Variants in PDE4D observed in about 807,000 individuals in gnomAD.
PDE4D encodes the protein phosphodiesterase 4D, also known as 3',5'-cyclic-AMP phosphodiesterase 4D.
A neutral mutation model predicts 87.4 loss-of-function variants in PDE4D; 24 were observed. The ratio of observed to expected loss-of-function variants is 0.27; its 90% CI spans 0.20 to 0.39. PDE4D has a LOEUF of 0.39. Among genes scored for constraint, PDE4D ranks in the 10% least tolerant of loss-of-function variants. The pLI is 1.00. For missense variants in PDE4D, 714 were observed against 1,041.0 expected (o/e 0.69, Z 4.32); for synonymous variants, 384 against 383.2 (o/e 1.00, Z -0.02).
At chr5:60,014,344 T>C (rs189320778) in intron 2 of PDE4D, among the ~76,000 whole-genome samples, 1 of 152,220 alleles carries the variant, frequency 6.6e-6, no homozygotes, top group East Asian at 1.9e-4. Flanking sequence ...TAGGAAACTG[T>C]TATTTTAATC....
chr5:60,451,596 A>G (rs547752930), intron 1 of PDE4D, among the ~76,000 whole-genome samples: 2 of 152,228 alleles, frequency 1.3e-5, no homozygotes, highest in East Asian at 3.9e-4. Context: ...TTAAAGGTGG[A>G]ATTTGACCAA....
chr5:60,427,746 A>G (rs910101930), intron 1 of PDE4D, among the ~76,000 whole-genome samples: 3 of 152,196 alleles, frequency 2.0e-5, no homozygotes, highest in Admixed American at 6.5e-5. Context: ...ATGACATGTT[A>G]AAATAATGAA....
chr5:60,207,542 T>C (rs1742692477), intron 1 of PDE4D, among the ~76,000 whole-genome samples: 1 of 152,230 alleles, frequency 6.6e-6, no homozygotes, highest in African/African-American at 2.4e-5. Flanking sequence ...CTCTCATAAT[T>C]TGTGAAACCT....
exon 2 of PDE4D, chr5:60,185,603 G>A (rs918814124): frequency 6.6e-7 from 1 of 1,526,002 alleles, no homozygotes; most frequent in Non-Finnish European, 8.8e-7. Context: ...TTTCATCGTG[G>A]TGTTTTAAGT....
intron 1 of PDE4D, among the ~76,000 whole-genome samples, chr5:59,389,832 G>T (rs1787880446): frequency 6.6e-6 from 1 of 152,068 alleles, no homozygotes; most frequent in Admixed American, 6.6e-5. Context: ...GTAGAATGAT[G>T]GTTACCAGAG....
chr5:60,442,446 G>C (rs944766073), intron 1 of PDE4D, among the ~76,000 whole-genome samples: 1 of 152,018 alleles, frequency 6.6e-6, no homozygotes, highest in Non-Finnish European at 1.5e-5. Context: ...GTCAGGGGGT[G>C]GGGGGACTAG....
At chr5:59,958,178 C>T (rs1051466965) in intron 3 of PDE4D, among the ~76,000 whole-genome samples, 1 of 152,068 alleles carries the variant, frequency 6.6e-6, no homozygotes, top group Non-Finnish European at 1.5e-5. Context: ...ATATAATATA[C>T]AGTTTAACTG....
intron 1 of PDE4D, among the ~76,000 whole-genome samples, chr5:59,565,712 A>G (rs1418857268): frequency 6.6e-6 from 1 of 152,196 alleles, no homozygotes. Context: ...CTGGGCAAGG[A>G]AGTCCCTGGA....
intron 1 of PDE4D, among the ~76,000 whole-genome samples, chr5:59,750,084 CTTTTTT>C (rs35243469): frequency 5.3e-5 from 7 of 131,464 alleles, no homozygotes; most frequent in African/African-American, 1.7e-4. Context: ...GAATTATGAC[CTTTTTT>C]TTTTTTTTTT....
At chr5:60,294,590 A>G (rs1416346453) in intron 1 of PDE4D, among the ~76,000 whole-genome samples, 1 of 152,116 alleles carries the variant, frequency 6.6e-6, no homozygotes, top group Admixed American at 6.5e-5. Flanking sequence ...ATATCAATTT[A>G]TTCCAATTTC....
chr5:59,927,356 T>C (rs371280496), intron 3 of PDE4D, among the ~76,000 whole-genome samples: 31 of 152,344 alleles, frequency 2.0e-4, no homozygotes, highest in African/African-American at 7.2e-4. Context: ...TAAATTAATA[T>C]AGTGTGAATG....
intron 5 of PDE4D, among the ~76,000 whole-genome samples, chr5:59,156,331 A>ATATATATATATATATATATATG (rs1384479557): frequency 8.1e-6 from 1 of 122,768 alleles, no homozygotes; most frequent in African/African-American, 3.4e-5. Flanking sequence ...ATATATATAT[A>ATATATATATATATATATATATG]TGTGTGTGTG....
intron 1 of PDE4D, among the ~76,000 whole-genome samples, chr5:59,714,001 G>A (rs1754613610): frequency 6.6e-6 from 1 of 152,180 alleles, no homozygotes; most frequent in African/African-American, 2.4e-5. Flanking sequence ...CCTGGCATAG[G>A]GTTGGAAAGG....
intron 1 of PDE4D, among the ~76,000 whole-genome samples, chr5:59,242,885 CTT>C (rs1378170904): frequency 3.3e-5 from 5 of 152,120 alleles, no homozygotes; most frequent in Non-Finnish European, 7.4e-5. Flanking sequence ...GTTATACTGG[CTT>C]TTCTCACAAT....
At chr5:60,322,634 C>T (rs1252192894) in intron 1 of PDE4D, among the ~76,000 whole-genome samples, 2 of 152,148 alleles carry the variant, frequency 1.3e-5, no homozygotes, top group Non-Finnish European at 2.9e-5. Flanking sequence ...TAACACTACC[C>T]GTTACCTATT....
intron 1 of PDE4D, among the ~76,000 whole-genome samples, chr5:59,423,454 G>A (rs1399667054): frequency 6.6e-6 from 1 of 152,088 alleles, no homozygotes; most frequent in Non-Finnish European, 1.5e-5. Flanking sequence ...GCATTCCATT[G>A]CCAAATTTTT....
intron 1 of PDE4D, among the ~76,000 whole-genome samples, chr5:59,506,059 T>C (rs971964866): frequency 6.6e-6 from 1 of 152,154 alleles, no homozygotes; most frequent in Non-Finnish European, 1.5e-5. Flanking sequence ...CGTGAGAAAG[T>C]AGAAAGTGTA....
At chr5:59,950,000 G>C (rs1402056497) in intron 3 of PDE4D, among the ~76,000 whole-genome samples, 1 of 152,118 alleles carries the variant, frequency 6.6e-6, no homozygotes, top group East Asian at 1.9e-4. Context: ...CATTGTATGA[G>C]CCACTTCAAA....
intron 5 of PDE4D, chr5:59,039,442 C>A (rs1021585502): frequency 1.0e-6 from 1 of 992,710 alleles, no homozygotes; most frequent in African/African-American, 1.7e-5. Context: ...CCACGCCCGC[C>A]CCGCCTGCCG....
Sources: allele counts gnomAD v4.1 joint callset (sites outside exome capture counted in the v4.1 genomes callset), GRCh38; gene constraint gnomAD v4.1.1; transcripts MANE v1.5; gene names NCBI Gene and HGNC (gene_info 2026-07-23, HGNC 2026-07-21).